Variants in KHDRBS3 observed in about 807,000 individuals in gnomAD.
KHDRBS3 encodes the protein KH domain-containing, RNA-binding, signal transduction-associated protein 3.
KHDRBS3 carries 23 observed loss-of-function variants against 45.6 expected under a neutral mutation model. The ratio of observed to expected loss-of-function variants is 0.50; its 90% CI spans 0.36 to 0.72. The LOEUF is 0.72. KHDRBS3 is among the 30% of genes least tolerant of loss of function. KHDRBS3 has a pLI of 0.00. For synonymous variants in KHDRBS3, 162 were observed against 156.5 expected (o/e 1.04, Z -0.26); for missense variants, 352 against 424.8 (o/e 0.83, Z 1.51).
At chr8:135,578,689 G>A (rs1828061397) in intron 5 of KHDRBS3, among the ~76,000 whole-genome samples, 1 of 152,104 alleles carries the variant, frequency 6.6e-6, no homozygotes, top group East Asian at 1.9e-4. Flanking sequence ...GTATTGTGTT[G>A]TCTGTTCTGG....
At chr8:135,574,225 TCC>T (rs1827847904) in intron 5 of KHDRBS3, among the ~76,000 whole-genome samples, 2 of 117,232 alleles carry the variant, frequency 1.7e-5, no homozygotes, top group African/African-American at 5.8e-5. Flanking sequence ...GCACGTCACC[TCC>T]ATCATGTTAG....
chr8:135,557,681 C>T, intron 5 of KHDRBS3, 94 bp downstream of exon 5: 2 of 948,778 alleles, frequency 2.1e-6, no homozygotes, highest in South Asian at 1.5e-5. Context: ...CTGAACAAAA[C>T]TTGTATTCAT....
chr8:135,608,442 A>C (rs1268475379), intron 7 of KHDRBS3, among the ~76,000 whole-genome samples: 6 of 152,158 alleles, frequency 3.9e-5, no homozygotes, highest in Non-Finnish European at 2.9e-5. Flanking sequence ...CTTACAGTGT[A>C]GGTTGTCTGA....
chr8:135,575,369 C>A (rs2130901933), intron 5 of KHDRBS3, among the ~76,000 whole-genome samples: 2 of 152,290 alleles, frequency 1.3e-5, no homozygotes, highest in South Asian at 4.1e-4. Context: ...TGTGGCTCCC[C>A]ACTTAAAACC....
intron 7 of KHDRBS3, among the ~76,000 whole-genome samples, chr8:135,637,841 A>G (rs996498808): frequency 4.6e-5 from 7 of 152,160 alleles, no homozygotes; most frequent in African/African-American, 1.4e-4. Context: ...ACCTCAAATA[A>G]TATATTTTGA....
At chr8:135,589,211 T>C (rs1828625926) in intron 6 of KHDRBS3, among the ~76,000 whole-genome samples, 2 of 152,302 alleles carry the variant, frequency 1.3e-5, no homozygotes, top group Non-Finnish European at 2.9e-5. Context: ...CACCTTTGCT[T>C]GTAGTCTTGC....
chr8:135,519,000 T>C (rs1022445304), intron 1 of KHDRBS3, among the ~76,000 whole-genome samples: 3 of 152,216 alleles, frequency 2.0e-5, no homozygotes, highest in Admixed American at 6.5e-5. Flanking sequence ...ATTTTTCCTT[T>C]ACAGGTTCCA....
intron 1 of KHDRBS3, among the ~76,000 whole-genome samples, chr8:135,515,183 G>C (rs921985074): frequency 6.6e-6 from 1 of 151,590 alleles, no homozygotes; most frequent in African/African-American, 2.4e-5. Flanking sequence ...TGGCTAACAC[G>C]GTGAAACGCC....
chr8:135,643,782 G>T (rs1434873899), intron 7 of KHDRBS3, among the ~76,000 whole-genome samples: 3 of 152,168 alleles, frequency 2.0e-5, no homozygotes, highest in African/African-American at 7.2e-5. Context: ...ATTTAGCCTG[G>T]CTTCTTAGCT....
intron 5 of KHDRBS3, among the ~76,000 whole-genome samples, chr8:135,572,674 G>A (rs1471585399): frequency 1.3e-5 from 2 of 152,224 alleles, no homozygotes; most frequent in African/African-American, 2.4e-5. Context: ...GTCCTCAGGC[G>A]ATGTGGATGC....
At chr8:135,488,966 G>A (rs541238093) in intron 1 of KHDRBS3, among the ~76,000 whole-genome samples, 1 of 152,228 alleles carries the variant, frequency 6.6e-6, no homozygotes, top group South Asian at 2.1e-4. Context: ...TGCAATGTTG[G>A]TTACTTTTTT....
At chr8:135,553,182 A>G (rs1476153309) in intron 4 of KHDRBS3, among the ~76,000 whole-genome samples, 1 of 152,154 alleles carries the variant, frequency 6.6e-6, no homozygotes, top group Non-Finnish European at 1.5e-5. Context: ...TGGCAATACT[A>G]GGTGCATCCT....
chr8:135,584,922 A>T (rs186629866), intron 6 of KHDRBS3, among the ~76,000 whole-genome samples: 14 of 152,228 alleles, frequency 9.2e-5, no homozygotes, highest in African/African-American at 3.1e-4. Flanking sequence ...AATTCTTCTT[A>T]AAAAATTTTT....
At chr8:135,573,081 A>G (rs1455358005) in intron 5 of KHDRBS3, among the ~76,000 whole-genome samples, 1 of 152,118 alleles carries the variant, frequency 6.6e-6, no homozygotes, top group Non-Finnish European at 1.5e-5. Flanking sequence ...GACCCCTGAT[A>G]GAAGACTAAG....
chr8:135,462,936 T>TG (rs1331829919), intron 1 of KHDRBS3, among the ~76,000 whole-genome samples: 1 of 152,204 alleles, frequency 6.6e-6, no homozygotes, highest in East Asian at 1.9e-4. Flanking sequence ...ATGTGCAGTT[T>TG]GTTTTTCCTC....
intron 3 of KHDRBS3, among the ~76,000 whole-genome samples, chr8:135,544,858 A>G (rs1826214565): frequency 6.6e-6 from 1 of 152,136 alleles, no homozygotes. Context: ...GGAGTAGCAT[A>G]CATTGTGGAT....
At chr8:135,600,792 G>A (rs571925708) in intron 6 of KHDRBS3, among the ~76,000 whole-genome samples, 4 of 152,266 alleles carry the variant, frequency 2.6e-5, no homozygotes, top group African/African-American at 9.6e-5. Context: ...TCCGCCTCCC[G>A]GGTTCAAGCA....
At chr8:135,471,585 G>A (rs1283168068) in intron 1 of KHDRBS3, among the ~76,000 whole-genome samples, 4 of 152,216 alleles carry the variant, frequency 2.6e-5, no homozygotes, top group South Asian at 4.1e-4. Context: ...CGGCACTGTG[G>A]TGCTGCATGG....
intron 1 of KHDRBS3, among the ~76,000 whole-genome samples, chr8:135,476,439 A>G (rs1389381473): frequency 6.6e-6 from 1 of 151,758 alleles, no homozygotes; most frequent in African/African-American, 2.4e-5. Flanking sequence ...ACGGCGCCCG[A>G]CCCCCATTTT....
Sources: gnomAD v4.1 joint callset for allele counts (sites outside exome capture counted in the v4.1 genomes callset) on GRCh38, gnomAD v4.1.1 for gene constraint, MANE v1.5 for transcripts, NCBI Gene and HGNC (gene_info 2026-07-23, HGNC 2026-07-21) for gene names.